OPCML: variants seen among roughly 807,000 people sequenced by gnomAD.
OPCML encodes the protein opioid binding protein/cell adhesion molecule like, also known as opioid-binding protein/cell adhesion molecule.
A neutral mutation model predicts 37.8 loss-of-function variants in OPCML; 13 were observed. That is an observed-to-expected ratio of 0.34 (90% CI 0.22 to 0.55). The LOEUF (loss-of-function observed/expected upper bound fraction) is 0.55. Ranked by LOEUF, OPCML falls within the 20% of genes least tolerant of loss-of-function variation. The pLI, the probability that OPCML is intolerant of heterozygous loss-of-function variation, is 0.91. For synonymous variants in OPCML, 176 were observed against 168.8 expected (o/e 1.04, Z -0.33); for missense variants, 341 against 435.6 (o/e 0.78, Z 1.93).
chr11:133,045,250 T>G (rs1169488207), intron 1 of OPCML, among the ~76,000 whole-genome samples: 1 of 152,206 alleles, frequency 6.6e-6, no homozygotes, highest in Non-Finnish European at 1.5e-5. Flanking sequence ...ACATCGTTAT[T>G]TCATGTCTGC....
rs969500301 is a variant in OPCML, at chr11:132,451,437, G to A, written c.506-14078C>T. Among the ~76,000 whole-genome samples the A allele has an allele frequency of 3.2e-4, 48 of 152,304 alleles. 1 individual carries two copies. The highest frequency in any genetic ancestry group is 3.4e-3 in the Middle Eastern group (1 of 294). On this transcript the variant is annotated intron_variant, in intron 4 of 7. Coordinates refer to ENST00000524381, the MANE Select transcript of OPCML (RefSeq NM_001012393.5). ...GCAGGTGAATTCCTGAGACCACAGA[G>A]GCACAGAACACTCTAGAAGGCCTGG...
At chr11:132,432,815 A>T (rs1592165247) in intron 7 of OPCML, among the ~76,000 whole-genome samples, 1 of 152,240 alleles carries the variant, frequency 6.6e-6, no homozygotes. Flanking sequence ...ACAAAATTAC[A>T]ACTAGAAGAT....
chr11:132,735,084 T>C (rs764476654), intron 2 of OPCML, among the ~76,000 whole-genome samples: 2 of 152,128 alleles, frequency 1.3e-5, no homozygotes, highest in Non-Finnish European at 2.9e-5. Flanking sequence ...AAATGAGAGA[T>C]GAACTAGAGA....
At chr11:133,507,710 C>T (rs1948064407) in intron 1 of OPCML, among the ~76,000 whole-genome samples, 1 of 151,970 alleles carries the variant, frequency 6.6e-6, no homozygotes, top group East Asian at 1.9e-4. Context: ...TTTGGGAGGC[C>T]GAGGCGGGCG....
chr11:133,065,226 G>A (rs1948422288), intron 1 of OPCML: 1 of 152,362 alleles, frequency 6.6e-6, no homozygotes, highest in South Asian at 2.1e-4. Flanking sequence ...TGGGGCCTCC[G>A]GGGGCAGGAT....
At chr11:132,670,133 A>G (rs1942396519) in intron 2 of OPCML, among the ~76,000 whole-genome samples, 1 of 152,188 alleles carries the variant, frequency 6.6e-6, no homozygotes, top group Non-Finnish European at 1.5e-5. Flanking sequence ...CATTCAATAG[A>G]TTATCCTGAC....
At chr11:133,351,945 A>G (rs1944148405) in intron 1 of OPCML, among the ~76,000 whole-genome samples, 1 of 152,130 alleles carries the variant, frequency 6.6e-6, no homozygotes, top group South Asian at 2.1e-4. Flanking sequence ...CTTATCTTAT[A>G]TTCAATCCAA....
intron 7 of OPCML, among the ~76,000 whole-genome samples, chr11:132,431,779 A>G (rs1317317330): frequency 6.6e-6 from 1 of 152,222 alleles, no homozygotes; most frequent in East Asian, 1.9e-4. Context: ...GCACGCTGTG[A>G]AGGGATCACG....
At chr11:133,486,209 A>T (rs1947522903) in intron 1 of OPCML, among the ~76,000 whole-genome samples, 1 of 152,200 alleles carries the variant, frequency 6.6e-6, no homozygotes, top group Admixed American at 6.5e-5. Context: ...CACTAAGAGA[A>T]TGTTTGTGGT....
intron 3 of OPCML, among the ~76,000 whole-genome samples, chr11:132,608,430 C>A (rs1346503086): frequency 6.6e-6 from 1 of 152,138 alleles, no homozygotes; most frequent in African/African-American, 2.4e-5. Flanking sequence ...TCAAACCCTG[C>A]CAGTGCAGCT....
chr11:133,210,193 C>T (rs964163348), intron 1 of OPCML, among the ~76,000 whole-genome samples: 2 of 152,174 alleles, frequency 1.3e-5, no homozygotes, highest in Non-Finnish European at 2.9e-5. Context: ...TTCCAAGCGT[C>T]TGGGGGATAC....
intron 3 of OPCML, among the ~76,000 whole-genome samples, chr11:132,614,767 T>A (rs1784509): frequency 0.73 from 111,265 of 152,138 alleles, 41,090 homozygotes; most frequent in East Asian, 0.87. Flanking sequence ...AAATTTGGTG[T>A]TCTTAAAAGA....
chr11:133,210,284 G>C (rs777205545), intron 1 of OPCML, among the ~76,000 whole-genome samples: 1 of 152,128 alleles, frequency 6.6e-6, no homozygotes, highest in Non-Finnish European at 1.5e-5. Flanking sequence ...GGTGTTAACA[G>C]CGGATGGACA....
chr11:132,809,976 A>T (rs913425715), intron 2 of OPCML, among the ~76,000 whole-genome samples: 3 of 152,010 alleles, frequency 2.0e-5, no homozygotes, highest in Non-Finnish European at 2.9e-5. Context: ...CAGCCTCCCG[A>T]GTAGCCGGGA....
At chr11:132,764,185 G>A (rs1946361552) in intron 2 of OPCML, among the ~76,000 whole-genome samples, 1 of 152,232 alleles carries the variant, frequency 6.6e-6, no homozygotes, top group African/African-American at 2.4e-5. Context: ...CTCCGCTGTG[G>A]TCATAAGCTT....
intron 1 of OPCML, among the ~76,000 whole-genome samples, chr11:133,176,473 A>G (rs1434765936): frequency 1.3e-5 from 2 of 151,792 alleles, no homozygotes; most frequent in Non-Finnish European, 2.9e-5. Flanking sequence ...GGTGGGGCCT[A>G]CTGGGAGTGA....
At chr11:133,123,369 T>C (rs1949449923) in intron 1 of OPCML, among the ~76,000 whole-genome samples, 1 of 152,226 alleles carries the variant, frequency 6.6e-6, no homozygotes, top group Non-Finnish European at 1.5e-5. Context: ...TTGTTGTTTA[T>C]CAAAGTCTGT....
intron 1 of OPCML, among the ~76,000 whole-genome samples, chr11:133,236,483 AAAAGT>A (rs1464007398): frequency 6.8e-6 from 1 of 146,004 alleles, no homozygotes; most frequent in East Asian, 1.9e-4. Flanking sequence ...TGTGGGTGTA[AAAAGT>A]AAAGTAGAGG....
chr11:133,043,088 T>C (rs114853886), intron 1 of OPCML, among the ~76,000 whole-genome samples: 2,761 of 152,206 alleles, frequency 0.018, 91 homozygotes, highest in African/African-American at 0.064. Flanking sequence ...CTTGGACCCC[T>C]GGGCAGCCAG....
Sources: gnomAD v4.1 joint callset for allele counts (sites outside exome capture counted in the v4.1 genomes callset) on GRCh38, gnomAD v4.1.1 for gene constraint, MANE v1.5 for transcripts, NCBI Gene and HGNC (gene_info 2026-07-23, HGNC 2026-07-21) for gene names.